The following PIN4 variants were observed in gnomAD, a reference collection of about 807,000 sequenced individuals.
PIN4 encodes peptidyl-prolyl cis-trans isomerase NIMA-interacting 4.
In PIN4, 3 loss-of-function variants were observed where a neutral mutation model predicts 8.3. That is an observed-to-expected ratio of 0.36 (90% CI 0.16 to 0.93). The LOEUF (loss-of-function observed/expected upper bound fraction) is 0.93, where lower values mean the gene tolerates loss of function less well. Among genes scored for constraint, PIN4 ranks in the 40% least tolerant of loss-of-function variants. PIN4 has a pLI of 0.44. For synonymous variants in PIN4, 18 were observed against 32.5 expected, an observed-to-expected ratio of 0.55 and a Z score of 1.52; for missense variants, 75 against 100.6, an observed-to-expected ratio of 0.75 and a Z score of 1.09.
At chrX:72,207,965 A>G (rs774298340) in intron 3 of PIN4, 4 of 1,211,645 alleles carry the variant, frequency 3.3e-6, no homozygotes, top group Non-Finnish European at 4.5e-6. Flanking sequence ...AATAGGGACC[A>G]TAGTTCTTGT....
chrX:72,209,499 C>A (rs2042840257), intron 3 of PIN4, among the ~76,000 whole-genome samples: 1 of 112,081 alleles, frequency 8.9e-6, no homozygotes, highest in Admixed American at 9.5e-5. Context: ...TGAAGAGAAT[C>A]CTTGACCCCA....
Position 72,198,272 on chromosome X carries a change from A to G in PIN4, c.*746A>G. The G allele has an allele frequency of 1.4e-6, 1 of 717,629 alleles. No homozygotes were observed. The highest frequency in any genetic ancestry group is 1.7e-6 in the Non-Finnish European group (1 of 605,382). 59.1% of individuals were successfully genotyped at this position (717,629 alleles called of 1,213,427 possible). On this transcript the variant is annotated 3_prime_UTR_variant, in exon 4 of 4. Coordinates refer to ENST00000373669, the MANE Select transcript of PIN4 (RefSeq NM_006223.4). The stretch of plus-strand genomic sequence containing the variant: ...AAATTTAAAATGCCATATTTATGAC[A>G]TATAAAAAAGTATAAAGATTACTAA...
intron 3 of PIN4, among the ~76,000 whole-genome samples, chrX:72,203,557 T>C (rs1277846735): frequency 9.0e-6 from 1 of 111,652 alleles, no homozygotes; most frequent in Admixed American, 9.6e-5. Flanking sequence ...CAATTTTGAA[T>C]TGGAGAACTG....
Position 72,186,450 on chromosome X carries a change from CT to C in PIN4, c.44-9del. 8.6e-7 allele frequency: 1 copy of C among 1,164,921 alleles called. No homozygotes were observed. ...CAGTTTAAATGAGTACCTGTCATCTCTTCTCTAAAGGGGGAGCAGCCTCTGG... is the reference window on the plus strand; with the variant it reads ...CAGTTTAAATGAGTACCTGTCATCTCTCTCTAAAGGGGGAGCAGCCTCTGG... On this transcript the variant is annotated splice_polypyrimidine_tract_variant and intron_variant, in intron 1 of 3. Transcript: ENST00000373669.
At chrX:72,263,068 G>A (rs1037625548) in exon 4 of PIN4, 2 of 255,779 alleles carry the variant, frequency 7.8e-6, no homozygotes, top group Non-Finnish European at 1.4e-5. Context: ...GCCAGTGAAC[G>A]GGCTAGGTGC....
chrX:72,208,780 C>G, intron 3 of PIN4: 1 of 794,805 alleles, frequency 1.3e-6, no homozygotes, highest in Non-Finnish European at 1.8e-6. Flanking sequence ...TTTTAGAATC[C>G]AAACTGCAGC....
chrX:72,192,039 T>C lies in PIN4; in HGVS notation c.118-4746T>C, dbSNP rs542090363. On this transcript the variant is annotated intron_variant, in intron 2 of 3. Coordinates refer to ENST00000373669, the MANE Select transcript of PIN4 (RefSeq NM_006223.4). ...CGATCTTGGCTCACTGCAACCTCCA[T>C]CTCCCAGTTTCAAGCGATTCTCCTG... Among the ~76,000 whole-genome samples the C allele has an allele frequency of 1.4e-4, 16 of 110,692 alleles. No individual in the cohort carries two copies. The South Asian group carries it at 3.9e-3, about 27-fold the overall frequency.
chrX:72,206,766 C>G, intron 3 of PIN4: 1 of 1,210,868 alleles, frequency 8.3e-7, no homozygotes, highest in Non-Finnish European at 1.1e-6. Context: ...TTCCAGCTAT[C>G]CCCAAAGACT....
At chrX:72,189,659 A>G (rs1320355221) in intron 2 of PIN4, among the ~76,000 whole-genome samples, 1 of 111,858 alleles carries the variant, frequency 8.9e-6, no homozygotes, top group African/African-American at 3.3e-5. Context: ...GTAAATGCTC[A>G]TTATAGCATT....
intron 2 of PIN4, among the ~76,000 whole-genome samples, chrX:72,191,638 A>G (rs1393370404): frequency 8.9e-6 from 1 of 112,125 alleles, no homozygotes; most frequent in African/African-American, 3.3e-5. Context: ...CTAGTCTCAC[A>G]GCGTTAGTGT....
chrX:72,224,382 G>A (rs1434998514), intron 3 of PIN4, among the ~76,000 whole-genome samples: 1 of 110,849 alleles, frequency 9.0e-6, no homozygotes, highest in African/African-American at 3.3e-5. Flanking sequence ...TTCATTCATC[G>A]GCCCTACATC....
intron 2 of PIN4, among the ~76,000 whole-genome samples, chrX:72,194,631 G>T (rs1440453760): frequency 2.8e-5 from 3 of 105,821 alleles, no homozygotes; most frequent in Non-Finnish European, 3.9e-5. Context: ...GAACTAAGGA[G>T]GGGGAGGTTT....
chrX:72,258,004 T>C (rs1011040395), intron 3 of PIN4, among the ~76,000 whole-genome samples: 4 of 111,325 alleles, frequency 3.6e-5, no homozygotes, highest in African/African-American at 1.3e-4. Context: ...TGGGGCTCTG[T>C]TAGGCAGAAA....
intron 3 of PIN4, among the ~76,000 whole-genome samples, chrX:72,244,404 T>A (rs2043060079): frequency 9.0e-6 from 1 of 111,432 alleles, no homozygotes; most frequent in East Asian, 2.8e-4. Context: ...GGAAGGGCAT[T>A]TCAGGCAGAG....
At chrX:72,241,358 C>T (rs765862847) in intron 3 of PIN4, among the ~76,000 whole-genome samples, 1 of 111,317 alleles carries the variant, frequency 9.0e-6, no homozygotes, top group Non-Finnish European at 1.9e-5. Flanking sequence ...TGCTCTTCTG[C>T]TTTCCTACCA....
chrX:72,229,982 T>C (rs757930327), intron 3 of PIN4, among the ~76,000 whole-genome samples: 13 of 110,479 alleles, frequency 1.2e-4, no homozygotes, highest in Admixed American at 3.9e-4. Flanking sequence ...GAGACCATCC[T>C]GGCTAACACG....
chrX:72,200,362 T>A (rs894880629), downstream of PIN4, among the ~76,000 whole-genome samples: 17 of 111,759 alleles, frequency 1.5e-4, no homozygotes, highest in African/African-American at 4.5e-4. Context: ...ATGTGTCAGA[T>A]TGGTAAAGTT....
chrX:72,209,130 A>G (rs1327398106), intron 3 of PIN4, among the ~76,000 whole-genome samples: 2 of 111,012 alleles, frequency 1.8e-5, no homozygotes, highest in Non-Finnish European at 3.8e-5. Flanking sequence ...CTTTCACGAG[A>G]TTCCTATAGA....
downstream of PIN4, among the ~76,000 whole-genome samples, chrX:72,202,827 A>C (rs1602433662): frequency 8.9e-6 from 1 of 112,173 alleles, no homozygotes; most frequent in African/African-American, 3.2e-5. Context: ...CATATAATTT[A>C]CAAGTAACTT....
Sources: gnomAD v4.1 joint callset for allele counts (sites outside exome capture counted in the v4.1 genomes callset) on GRCh38, gnomAD v4.1.1 for gene constraint, MANE v1.5 for transcripts, NCBI Gene and HGNC (gene_info 2026-07-23, HGNC 2026-07-21) for gene names.